TRPM1: variants seen among roughly 807,000 people sequenced by gnomAD.
The protein encoded by TRPM1 is TRPM1-203 APA Isoform, Intron 10.
Under a neutral mutation model 149.4 loss-of-function variants are expected in TRPM1, and 113 were observed. The ratio of observed to expected loss-of-function variants is 0.76; its 90% CI spans 0.65 to 0.88. The LOEUF is 0.88. Ranked by LOEUF, TRPM1 falls within the 40% of genes least tolerant of loss-of-function variation. The pLI is 0.00. For synonymous variants in TRPM1, 741 were observed against 759.5 expected (o/e 0.98, Z 0.40); for missense variants, 1,976 against 2,038.7 (o/e 0.97, Z 0.59).
chr15:31,105,009 G>T (rs2141019070), upstream of TRPM1, among the ~76,000 whole-genome samples: 1 of 152,288 alleles, frequency 6.6e-6, no homozygotes, highest in East Asian at 1.9e-4. Flanking sequence ...AGCTTGCAGA[G>T]GAAAGGCAAG....
At chr15:31,127,218 C>T (rs922572047) in intron 1 of TRPM1, among the ~76,000 whole-genome samples, 6 of 152,138 alleles carry the variant, frequency 3.9e-5, no homozygotes, top group Non-Finnish European at 7.3e-5. Context: ...AAGCTTATCT[C>T]GTGGCATCTC....
intron 1 of TRPM1, among the ~76,000 whole-genome samples, chr15:31,088,757 G>A (rs2035096002): frequency 6.7e-6 from 1 of 148,288 alleles, no homozygotes; most frequent in African/African-American, 2.5e-5. Context: ...CTACCTGTGG[G>A]AACGTTCCCA....
At chr15:31,153,488 C>T (rs1344185312) in intron 1 of TRPM1, among the ~76,000 whole-genome samples, 2 of 152,112 alleles carry the variant, frequency 1.3e-5, no homozygotes, top group Admixed American at 6.5e-5. Flanking sequence ...CCATGCCTAG[C>T]TAATTTTTGC....
At chr15:31,113,242 A>C (rs998609982) in intron 1 of TRPM1, among the ~76,000 whole-genome samples, 1 of 152,102 alleles carries the variant, frequency 6.6e-6, no homozygotes, top group Non-Finnish European at 1.5e-5. Flanking sequence ...ATCAACAAGA[A>C]AGGGAGGGCT....
chr15:31,038,211 A>C (rs979400012), intron 18 of TRPM1, 45 bp from the exon 19 acceptor site: 1 of 1,610,004 alleles, frequency 6.2e-7, no homozygotes, highest in African/African-American at 1.3e-5. Flanking sequence ...AATTCTAGAA[A>C]AATGTCCCAG....
intron 27 of TRPM1, among the ~76,000 whole-genome samples, chr15:31,020,095 C>T (rs1452157275): frequency 6.6e-6 from 1 of 152,258 alleles, no homozygotes; most frequent in Non-Finnish European, 1.5e-5. Context: ...ATACCCCAGA[C>T]TTCCTGGGTT....
At chr15:31,089,023 AC>A (rs760865471) in intron 1 of TRPM1, among the ~76,000 whole-genome samples, 152 of 152,274 alleles carry the variant, frequency 1.0e-3, no homozygotes, top group Non-Finnish European at 1.8e-3. Context: ...CAAGTGAGGC[AC>A]TCAAATGGGG....
rs267607139 is a variant in TRPM1, at chr15:31,042,140, G to T, written c.1898C>A (p.Pro633His). 7 of 1,614,026 alleles carry T rather than the reference G, an allele frequency of 4.3e-6. No homozygotes were observed. The highest frequency in any genetic ancestry group is 5.9e-6 in the Non-Finnish European group (7 of 1,180,048). The change falls in exon 17 of 28, where the codon CCC becomes CAC. Residue 633 changes from proline to histidine, a missense_variant. Coordinates refer to ENST00000256552, the MANE Select transcript of TRPM1 (RefSeq NM_001252024.2). ...TGCCCACACCATCAGCTCGTGGAAG[G>T]GATACTGGAACCGACTCACGGCAGG... The part of the protein sequence containing the change: ...DDPAVSRFQY[P>H]FHELMVWAVL...
At chr15:31,089,826 G>T (rs1248720708) in intron 1 of TRPM1, among the ~76,000 whole-genome samples, 1 of 152,184 alleles carries the variant, frequency 6.6e-6, no homozygotes, top group Non-Finnish European at 1.5e-5. Flanking sequence ...ACCGCGGAAG[G>T]CACTTCTGCC....
At chr15:31,018,667 G>C (rs2032453774) in intron 27 of TRPM1, among the ~76,000 whole-genome samples, 1 of 149,448 alleles carries the variant, frequency 6.7e-6, no homozygotes, top group South Asian at 2.1e-4. Flanking sequence ...CACCACACCT[G>C]GCCTTTTTAA....
At chr15:31,015,285 C>T (rs1470165901) in intron 27 of TRPM1, among the ~76,000 whole-genome samples, 11 of 151,778 alleles carry the variant, frequency 7.2e-5, no homozygotes, top group African/African-American at 9.7e-5. Flanking sequence ...CGGTGGCATG[C>T]GCCTGTAATC....
chr15:31,138,287 G>GT lies in TRPM1; in HGVS notation c.54+22618dup, dbSNP rs371438065. Among the ~76,000 whole-genome samples the GT allele has an allele frequency of 8.0e-3, 1,212 of 152,140 alleles. 12 individuals carry two copies. Among genetic ancestry groups the GT allele is most frequent in the African/African-American group, 0.028 (1,162 of 41,504 alleles). ...GCCTGCCAGCCCTCTGACAATCTTC[G>GT]TATTAACCACCAAGACTGATGGGCC... On this transcript the variant is annotated intron_variant, in intron 1 of 26. Coordinates refer to the TRPM1 transcript ENST00000542188.
At chr15:31,089,113 GTGA>G (rs1380854554) in intron 1 of TRPM1, among the ~76,000 whole-genome samples, 1 of 152,126 alleles carries the variant, frequency 6.6e-6, no homozygotes, top group African/African-American at 2.4e-5. Flanking sequence ...CAGAAAATTC[GTGA>G]TGAATACAGT....
At chr15:31,130,061 C>T (rs1006412823) in intron 1 of TRPM1, among the ~76,000 whole-genome samples, 5 of 152,190 alleles carry the variant, frequency 3.3e-5, no homozygotes, top group East Asian at 1.9e-4. Context: ...CCATACAGAT[C>T]GGGAAGTAGC....
intron 1 of TRPM1, among the ~76,000 whole-genome samples, chr15:31,084,984 C>CA (rs1194937040): frequency 1.3e-5 from 2 of 151,980 alleles, no homozygotes; most frequent in East Asian, 3.9e-4. Flanking sequence ...CTGCCGTGCC[C>CA]AGCCAACATT....
At chr15:31,100,180 A>C (rs2035483066) in intron 1 of TRPM1, among the ~76,000 whole-genome samples, 1 of 150,940 alleles carries the variant, frequency 6.6e-6, no homozygotes, top group Non-Finnish European at 1.5e-5. Flanking sequence ...CCTGGGTTCA[A>C]CCTCTCCTGC....
At chr15:31,140,971 A>T (rs1596098548) in intron 1 of TRPM1, among the ~76,000 whole-genome samples, 1 of 149,720 alleles carries the variant, frequency 6.7e-6, no homozygotes, top group African/African-American at 2.4e-5. Context: ...ACAGGTGCGT[A>T]CCACTGCATC....
At chr15:31,084,388 G>A (rs143170249) in intron 1 of TRPM1, among the ~76,000 whole-genome samples, 12 of 152,172 alleles carry the variant, frequency 7.9e-5, no homozygotes, top group Non-Finnish European at 1.5e-4. Context: ...CCAGCTCCTG[G>A]CAACCACAAA....
intron 1 of TRPM1, among the ~76,000 whole-genome samples, chr15:31,090,055 T>C (rs139200454): frequency 1.2e-3 from 179 of 152,284 alleles, no homozygotes; most frequent in African/African-American, 4.1e-3. Context: ...TACGGAAATA[T>C]TGAAACAAAA....
Sources: gnomAD v4.1 joint callset for allele counts (sites outside exome capture counted in the v4.1 genomes callset) on GRCh38, gnomAD v4.1.1 for gene constraint, MANE v1.5 for transcripts, NCBI Gene and HGNC (gene_info 2026-07-23, HGNC 2026-07-21) for gene names.